Variants in C15orf40 observed in about 807,000 individuals in gnomAD.
C15orf40 encodes the protein UPF0235 protein C15orf40.
Under a neutral mutation model 13.9 loss-of-function variants are expected in C15orf40, and 9 were observed. That is an observed-to-expected ratio of 0.65 (90% CI 0.39 to 1.13). The LOEUF (loss-of-function observed/expected upper bound fraction) is 1.13, where lower values mean the gene tolerates loss of function less well. Ranked by LOEUF, C15orf40 falls within the 50% of genes most tolerant of loss-of-function variation. The pLI is 0.01. For missense variants in C15orf40, 225 were observed against 188.5 expected, an observed-to-expected ratio of 1.19 and a Z score of -1.13; for synonymous variants, 95 against 69.2, an observed-to-expected ratio of 1.37 and a Z score of -1.85.
rs2032009979 is a variant in C15orf40 at position 83,011,495 on chromosome 15, G to A, written c.111+2C>T. ...TCTGCCGCCACGGGACCTGCTACTG[G>A]CCTTGGTCGTCGCACCAGCCTTCTT... is the stretch of plus-strand genomic sequence containing the variant. On this transcript the variant is annotated splice_donor_variant, in intron 1 of 3. Transcript: ENST00000304177. LOFTEE classifies it low-confidence loss of function (GC_TO_GT_DONOR). The A allele has an allele frequency of 3.7e-6, 6 of 1,603,628 alleles. No homozygotes were observed. The highest frequency in any genetic ancestry group is 2.2e-5 in the East Asian group (1 of 44,450).
Position 83,004,914 on chromosome 15 carries a change from A to G in C15orf40, c.*683T>C. 2.3e-6 allele frequency: 3 copies of G among 1,304,556 alleles called. 1 individual carries two copies. The highest frequency in any genetic ancestry group is 2.5e-5 in the South Asian group (2 of 80,936). The allele number at this position is 1,304,556 out of a possible 1,614,324, so 80.8% of individuals were successfully genotyped here. A position where few individuals can be genotyped will look rare whatever the true frequency, so the allele number is the denominator to read the frequency against. ...AAAACTGCATTCAACAAGTAGTCCA[A>G]GGATTTGGGTTCTAGTTGCCAGCTT... On this transcript the variant is annotated 3_prime_UTR_variant, in exon 4 of 4. Transcript: ENST00000304177.
At chr15:82,989,739 C>CTA (rs2030778658), downstream of C15orf40, 4 of 1,079,758 alleles carry the variant, frequency 3.7e-6, no homozygotes, top group Non-Finnish European at 5.2e-6. Context: ...ATAACTGGCA[C>CTA]TATAACATTC....
chr15:83,003,252 A>C lies in C15orf40; in HGVS notation c.*2345T>G, dbSNP rs968188638. The C allele has an allele frequency of 3.3e-5, 5 of 150,764 alleles. No homozygotes were observed. The highest frequency in any genetic ancestry group is 9.8e-5 in the African/African-American group (4 of 40,740). The allele number at this position is 150,764 out of a possible 1,614,324, so 9.3% of individuals were successfully genotyped here. On this transcript the variant is annotated 3_prime_UTR_variant, in exon 4 of 4. Coordinates refer to ENST00000304177, the MANE Select transcript of C15orf40 (RefSeq NM_144597.3). ...GCGATTCTCCTACCTCAGCCTCCCGAGTAGCTGCAATTACAGGCATGTGCC... is the reference window on the plus strand; with the variant it reads ...GCGATTCTCCTACCTCAGCCTCCCGCGTAGCTGCAATTACAGGCATGTGCC...
In C15orf40 at chr15:83,000,518, G is replaced by A. The variant is rs1244237990; in HGVS notation, c.*5079C>T. ...AAGGATCACAGCATGTGAGCCCGTAGTCAGGCACTGCAGACTACCTAATAG... is the reference window on the plus strand; with the variant it reads ...AAGGATCACAGCATGTGAGCCCGTAATCAGGCACTGCAGACTACCTAATAG... On this transcript the variant is annotated 3_prime_UTR_variant, in exon 4 of 4. Transcript: ENST00000304177. 1 of 152,264 alleles carries A rather than the reference G, an allele frequency of 6.6e-6. No homozygotes were observed. The highest frequency in any genetic ancestry group is 1.5e-5 in the Non-Finnish European group (1 of 68,054). 9.4% of individuals were successfully genotyped at this position (152,264 alleles called of 1,614,324 possible). A position where few individuals can be genotyped will look rare whatever the true frequency, so the allele number is the denominator to read the frequency against.
chr15:82,989,526 GGAA>G (rs1238836332), downstream of C15orf40, among the ~76,000 whole-genome samples: 1 of 152,056 alleles, frequency 6.6e-6, no homozygotes, highest in Non-Finnish European at 1.5e-5. Flanking sequence ...TTTTACTTTA[GGAA>G]GAAGTTTACA....
downstream of C15orf40, chr15:82,990,862 T>C: frequency 2.0e-6 from 1 of 494,498 alleles, no homozygotes. Flanking sequence ...CTTACTTTTT[T>C]GGTATTTAAT....
In C15orf40 at chr15:83,008,538, C is replaced by G; in HGVS notation, c.366+10G>C. ...TGTCTCAAAAAAAAAAAAAAGAGAG[C>G]GAGACCTACCTTATCCAAAACCACA... On this transcript the variant is annotated intron_variant, in intron 3 of 3. Coordinates refer to ENST00000304177, the MANE Select transcript of C15orf40 (RefSeq NM_144597.3). 1 of 1,610,178 alleles carries G rather than the reference C, an allele frequency of 6.2e-7. No homozygotes were observed. The highest frequency in any genetic ancestry group is 1.1e-5 in the South Asian group (1 of 91,010).
Position 83,008,543 on chromosome 15 carries a change from C to T in C15orf40, c.366+5G>A. 1 of 1,612,594 alleles carries T rather than the reference C, an allele frequency of 6.2e-7. No homozygotes were observed. The highest frequency in any genetic ancestry group is 8.5e-7 in the Non-Finnish European group (1 of 1,179,462). On this transcript the variant is annotated splice_donor_5th_base_variant and intron_variant, in intron 3 of 3. Coordinates refer to ENST00000304177, the MANE Select transcript of C15orf40 (RefSeq NM_144597.3). ...CAAAAAAAAAAAAAAGAGAGCGAGA[C>T]CTACCTTATCCAAAACCACATCACT...
chr15:83,011,352 G>A, intron 1 of C15orf40, 145 bp downstream of exon 1: 3 of 868,332 alleles, frequency 3.5e-6, no homozygotes, highest in South Asian at 4.2e-5. Flanking sequence ...CTCTGGGGGT[G>A]GCGGCGGCTG....
chr15:82,998,432 G>A lies in C15orf40; in HGVS notation c.*7165C>T, dbSNP rs1370373478. On this transcript the variant is annotated 3_prime_UTR_variant, in exon 4 of 4. Coordinates refer to ENST00000304177, the MANE Select transcript of C15orf40 (RefSeq NM_144597.3). ...TCTCAGACGGGGTGGTTGCCAGGCA[G>A]AGGGTCTCCTCACTTCTCAGACGGG... is the stretch of plus-strand genomic sequence containing the variant. 1.2e-5 allele frequency: 1 copy of A among 85,140 alleles called. No individual in the cohort carries two copies. The highest frequency in any genetic ancestry group is 1.0e-4 in the Admixed American group (1 of 9,532). The allele number at this position is 85,140 out of a possible 1,614,324, so 5.3% of individuals were successfully genotyped here.
Position 82,999,962 on chromosome 15 carries a change from G to T in C15orf40, c.*5635C>A, listed in dbSNP as rs1396101443. On this transcript the variant is annotated 3_prime_UTR_variant, in exon 4 of 4. Transcript: ENST00000304177. ...TCTTCCTGCAACCTAGAAAAAGGGAGTTCCTGTACTATGAAGGATCATTAT... is the reference window on the plus strand; with the variant it reads ...TCTTCCTGCAACCTAGAAAAAGGGATTTCCTGTACTATGAAGGATCATTAT... 1 of 152,166 alleles carries T rather than the reference G, an allele frequency of 6.6e-6. No individual in the cohort carries two copies. The highest frequency in any genetic ancestry group is 2.4e-5 in the African/African-American group (1 of 41,418). The allele number at this position is 152,166 out of a possible 1,614,324, so 9.4% of individuals were successfully genotyped here.
chr15:83,008,441 C>T (rs1241790878), intron 3 of C15orf40, 107 bp downstream of exon 3: 9 of 1,163,554 alleles, frequency 7.7e-6, no homozygotes, highest in Non-Finnish European at 1.1e-5. Flanking sequence ...ATAGCTTGAA[C>T]CCAGGAGGTG....
chr15:82,992,050 T>C (rs1466373970), downstream of C15orf40: 1 of 551,148 alleles, frequency 1.8e-6, no homozygotes, highest in Non-Finnish European at 3.1e-6. Context: ...ATCCTGTCTC[T>C]ACAGAAAATT....
In C15orf40 at chr15:82,995,986, G is replaced by A. The variant is rs904718755; in HGVS notation, c.*9611C>T. On this transcript the variant is annotated 3_prime_UTR_variant, in exon 4 of 4. Coordinates refer to ENST00000304177, the MANE Select transcript of C15orf40 (RefSeq NM_144597.3). ...GCATAATTTTCACCAGTGTCTTCAT[G>A]GGCTGATGGGCTGATTTCAGTTGTT... 40 of 152,392 alleles carry A rather than the reference G, an allele frequency of 2.6e-4. No homozygotes were observed. Among genetic ancestry groups the A allele is most frequent in the African/African-American group, 9.1e-4 (38 of 41,582 alleles). 9.4% of individuals were successfully genotyped at this position (152,392 alleles called of 1,614,324 possible).
downstream of C15orf40, chr15:82,990,096 C>CATTT (rs1375965422): frequency 1.6e-5 from 17 of 1,082,082 alleles, no homozygotes; most frequent in East Asian, 2.4e-4. Context: ...TTAGTAAAAG[C>CATTT]ATTTACTCTG....
chr15:82,991,920 C>A (rs541372204), downstream of C15orf40: 69 of 1,288,926 alleles, frequency 5.4e-5, no homozygotes, highest in African/African-American at 9.7e-4. Context: ...GAAGTGTTAT[C>A]AAAAATATCA....
Position 83,003,669 on chromosome 15 carries a change from A to G in C15orf40, c.*1928T>C, listed in dbSNP as rs913540327. Reference sequence around the variant, plus strand: ...TGTGCACTGTGATCTCACATAAGCCACCTTTTCTTGCCCTTGATACCTATT... The same window carrying G: ...TGTGCACTGTGATCTCACATAAGCCGCCTTTTCTTGCCCTTGATACCTATT... On this transcript the variant is annotated 3_prime_UTR_variant, in exon 4 of 4. Coordinates refer to ENST00000304177, the MANE Select transcript of C15orf40 (RefSeq NM_144597.3). 4 of 152,198 alleles carry G rather than the reference A, an allele frequency of 2.6e-5. No homozygotes were observed. The highest frequency in any genetic ancestry group is 4.4e-5 in the Non-Finnish European group (3 of 68,050). The allele number at this position is 152,198 out of a possible 1,614,324, so 9.4% of individuals were successfully genotyped here.
In C15orf40 at chr15:83,000,791, C is replaced by T. The variant is rs2031385840; in HGVS notation, c.*4806G>A. On this transcript the variant is annotated 3_prime_UTR_variant, in exon 4 of 4. Coordinates refer to ENST00000304177, the MANE Select transcript of C15orf40 (RefSeq NM_144597.3). The stretch of plus-strand genomic sequence containing the variant: ...TGACAGCCCACAGCCCAGAGAGCTG[C>T]CTCCTAAAGTTTGAGCATTTAGGTA... 1 of 152,208 alleles carries T rather than the reference C, an allele frequency of 6.6e-6. No individual in the cohort carries two copies. The highest frequency in any genetic ancestry group is 1.5e-5 in the Non-Finnish European group (1 of 68,058). 9.4% of individuals were successfully genotyped at this position (152,208 alleles called of 1,614,324 possible). A position where few individuals can be genotyped will look rare whatever the true frequency, so the allele number is the denominator to read the frequency against.
chr15:83,004,087 TATAA>T lies in C15orf40; in HGVS notation c.*1506_*1509del, dbSNP rs1368519574. The T allele has an allele frequency of 4.6e-5, 7 of 151,874 alleles. No individual in the cohort carries two copies. Among genetic ancestry groups the T allele is most frequent in the Admixed American group, 4.6e-4 (7 of 15,262 alleles). The allele number at this position is 151,874 out of a possible 1,614,324, so 9.4% of individuals were successfully genotyped here. A position where few individuals can be genotyped will look rare whatever the true frequency, so the allele number is the denominator to read the frequency against. On this transcript the variant is annotated 3_prime_UTR_variant, in exon 4 of 4. Transcript: ENST00000304177. Reference sequence around the variant, plus strand: ...ATGAGGTCTTATATATAATCTTACATATAAATATATATATCTATGTATAAAATCT... The same window carrying T: ...ATGAGGTCTTATATATAATCTTACATATATATATATCTATGTATAAAATCT...
Sources: allele counts gnomAD v4.1 joint callset (sites outside exome capture counted in the v4.1 genomes callset), GRCh38; gene constraint gnomAD v4.1.1; transcripts MANE v1.5; gene names NCBI Gene and HGNC (gene_info 2026-07-23, HGNC 2026-07-21).